Variants in ART3 observed in about 807,000 individuals in gnomAD.
The protein encoded by ART3 is ADP-ribosyltransferase 3 (inactive).
ART3 carries 49 observed loss-of-function variants against 48.5 expected under a neutral mutation model. That is an observed-to-expected ratio of 1.01 (90% CI 0.80 to 1.28). ART3 has a LOEUF of 1.28. Among genes scored for constraint, ART3 ranks in the 50% most tolerant of loss-of-function variants. The probability of loss-of-function intolerance (pLI) is 0.00; values close to 1 mark genes in which losing one functional copy is unlikely to be tolerated. For synonymous variants in ART3, 145 were observed against 157.2 expected, an observed-to-expected ratio of 0.92 and a Z score of 0.58; for missense variants, 438 against 454.3, an observed-to-expected ratio of 0.96 and a Z score of 0.33.
intron 1 of ART3, chr4:76,022,255 A>G (rs2149373771): frequency 1.2e-6 from 1 of 867,374 alleles, no homozygotes; most frequent in East Asian, 2.4e-5. Context: ...GCGTGGTGGT[A>G]ACATACTTTT....
At chr4:76,108,710 G>T (rs1054590654) in intron 11 of ART3, among the ~76,000 whole-genome samples, 1 of 152,042 alleles carries the variant, frequency 6.6e-6, no homozygotes, top group African/African-American at 2.4e-5. Context: ...TGATTTTGTC[G>T]TTGTGCAAAC....
rs772315450 is a variant in ART3 at position 76,082,536 on chromosome 4, G to A, written c.781+1G>A. 1.3e-6 allele frequency: 2 copies of A among 1,566,136 alleles called. No individual in the cohort carries two copies. The highest frequency in any genetic ancestry group is 1.7e-6 in the Non-Finnish European group (2 of 1,157,386). ...CATTATGAGTGTGCATTTCTAGGTG[G>A]TAAGTGTCTGCTCTGTCTGTGCTTG... On this transcript the variant is annotated splice_donor_variant, in intron 3 of 11. Coordinates refer to ENST00000355810, the MANE Select transcript of ART3 (RefSeq NM_001130016.3). LOFTEE classifies it high-confidence loss of function.
At chr4:76,028,713 T>C (rs533519235) in intron 1 of ART3, among the ~76,000 whole-genome samples, 1 of 152,182 alleles carries the variant, frequency 6.6e-6, no homozygotes, top group Non-Finnish European at 1.5e-5. Flanking sequence ...GAGCTCACAG[T>C]GTTTGGTAAT....
intron 3 of ART3, among the ~76,000 whole-genome samples, chr4:76,083,789 A>G (rs1284618282): frequency 6.6e-6 from 1 of 152,242 alleles, no homozygotes; most frequent in African/African-American, 2.4e-5. Context: ...CATAGCTACC[A>G]GAGAAGCTTG....
At chr4:76,052,984 C>T (rs1057220186) in intron 1 of ART3, among the ~76,000 whole-genome samples, 1 of 152,154 alleles carries the variant, frequency 6.6e-6, no homozygotes, top group African/African-American at 2.4e-5. Flanking sequence ...CTGCCTCAGC[C>T]TCCCAAAATG....
chr4:76,050,857 ACTG>A (rs1736002422), intron 1 of ART3, among the ~76,000 whole-genome samples: 3 of 152,300 alleles, frequency 2.0e-5, no homozygotes, highest in East Asian at 1.9e-4. Context: ...GTGGGCTGGC[ACTG>A]CTGGGGGACC....
At chr4:76,103,885 A>G in intron 8 of ART3, 52 bp from the exon 9 acceptor site, 5 of 1,514,436 alleles carry the variant, frequency 3.3e-6, no homozygotes, top group Non-Finnish European at 2.7e-6. Context: ...GAAGAGTATT[A>G]ACAGTATAAG....
chr4:76,066,470 A>G (rs1207069207), intron 1 of ART3, among the ~76,000 whole-genome samples: 1 of 152,148 alleles, frequency 6.6e-6, no homozygotes, highest in Non-Finnish European at 1.5e-5. Context: ...CTCGCTGGTC[A>G]TCCTGAGGTC....
intron 2 of ART3, among the ~76,000 whole-genome samples, 153 bp from the exon 3 acceptor site, chr4:76,081,671 A>AAT (rs1287246982): frequency 6.6e-6 from 1 of 152,236 alleles, no homozygotes; most frequent in Non-Finnish European, 1.5e-5. Context: ...ATAGCAATGG[A>AAT]ATATACTTCC....
rs748077493 is a variant in ART3 at position 76,022,804 on chromosome 4, A to G, written c.-10+11484A>G. 6.5e-5 allele frequency: 104 copies of G among 1,610,050 alleles called. 2 individuals carry two copies. The South Asian group carries it at 1.0e-3, about 16-fold the overall frequency. On this transcript the variant is annotated intron_variant, in intron 1 of 9. Transcript: ENST00000341029. The stretch of plus-strand genomic sequence containing the variant: ...TGATGCAGGTACAGCGTACAGTTCT[A>G]GAGAGAGGTACTCCTGTAGGAAAAG...
intron 1 of ART3, among the ~76,000 whole-genome samples, chr4:76,044,231 G>A (rs567978680): frequency 2.9e-3 from 442 of 152,112 alleles, no homozygotes; most frequent in African/African-American, 9.3e-3. Context: ...TTTGAAAGGC[G>A]TTGTCTGATT....
chr4:76,098,358 G>A (rs1379066223), intron 4 of ART3, among the ~76,000 whole-genome samples: 1 of 152,168 alleles, frequency 6.6e-6, no homozygotes, highest in Non-Finnish European at 1.5e-5. Context: ...CATGCTCTGG[G>A]TGGATCCTTT....
At chr4:76,074,901 A>G (rs185242949) in intron 1 of ART3, 82 bp downstream of exon 1, 1 of 152,334 alleles carries the variant, frequency 6.6e-6, no homozygotes, top group Admixed American at 6.5e-5. Flanking sequence ...TGCTTAAAAC[A>G]TATTGCCTTG....
chr4:76,094,843 A>G (rs1725659800), intron 3 of ART3, among the ~76,000 whole-genome samples: 1 of 152,234 alleles, frequency 6.6e-6, no homozygotes. Flanking sequence ...TACTCTGTCT[A>G]TAAAAATTGA....
At chr4:76,030,911 T>G (rs1237643539) in intron 1 of ART3, among the ~76,000 whole-genome samples, 1 of 152,238 alleles carries the variant, frequency 6.6e-6, no homozygotes, top group Non-Finnish European at 1.5e-5. Context: ...TTCTGGCTGT[T>G]GTGTATAATG....
intron 1 of ART3, among the ~76,000 whole-genome samples, chr4:76,027,914 C>T (rs891512451): frequency 6.6e-6 from 1 of 151,250 alleles, no homozygotes; most frequent in African/African-American, 2.4e-5. Flanking sequence ...CTCTGCTAAC[C>T]AAATCTCAGA....
At chr4:76,066,210 G>T (rs1719721083) in intron 1 of ART3, among the ~76,000 whole-genome samples, 2 of 152,194 alleles carry the variant, frequency 1.3e-5, no homozygotes, top group Admixed American at 1.3e-4. Context: ...TCTTTGGGGT[G>T]TTGATTTTCT....
chr4:76,074,505 G>A (rs1048574348), upstream of ART3, among the ~76,000 whole-genome samples: 28 of 152,108 alleles, frequency 1.8e-4, no homozygotes, highest in Non-Finnish European at 2.5e-4. Context: ...CAGAACTGTG[G>A]GCTCAGAACT....
chr4:76,077,162 A>G (rs906370676), intron 2 of ART3, among the ~76,000 whole-genome samples: 2 of 152,186 alleles, frequency 1.3e-5, no homozygotes, highest in Admixed American at 1.3e-4. Context: ...GAAACCCTGT[A>G]CTTATTAGCA....
Sources: allele counts gnomAD v4.1 joint callset (sites outside exome capture counted in the v4.1 genomes callset), GRCh38; gene constraint gnomAD v4.1.1; transcripts MANE v1.5; gene names NCBI Gene and HGNC (gene_info 2026-07-23, HGNC 2026-07-21).